The following TTN variants were observed in gnomAD, a reference collection of about 807,000 sequenced individuals.
The protein encoded by TTN is titin.
TTN carries 1,525 observed loss-of-function variants against 3,223.0 expected under a neutral mutation model. The ratio of observed to expected loss-of-function variants is 0.47; its 90% CI spans 0.45 to 0.49. The LOEUF is 0.49. Among genes scored for constraint, TTN ranks in the 20% least tolerant of loss-of-function variants. The pLI, the probability that TTN is intolerant of heterozygous loss-of-function variation, is 0.00. For synonymous variants in TTN, 14,094 were observed against 15,161.0 expected (o/e 0.93, Z 5.17); for missense variants, 40,786 against 43,424.0 (o/e 0.94, Z 5.40).
At chr2:178,555,233 T>C (rs1559237385) in intron 330 of TTN, 81 bp from the exon 331 acceptor site, 1 of 1,293,396 alleles carries the variant, frequency 7.7e-7, no homozygotes. Flanking sequence ...TAAAGTAAGG[T>C]CATTGGCCAT....
intron 106 of TTN, among the ~76,000 whole-genome samples, chr2:178,703,007 A>G (rs1449020721): frequency 6.6e-6 from 1 of 152,242 alleles, no homozygotes; most frequent in Non-Finnish European, 1.5e-5. Flanking sequence ...ATTGTACTCT[A>G]CAACTTATTC....
chr2:178,555,366 T>C (rs1700985621), intron 330 of TTN: 1 of 524,900 alleles, frequency 1.9e-6, no homozygotes, highest in Non-Finnish European at 3.3e-6. Flanking sequence ...TGCAGGGACT[T>C]AAGCACCTTT....
At position 178,567,401 on chromosome 2, in the gene TTN, T is replaced by C; in HGVS notation, c.78731A>G (p.Asn26244Ser). 2 of 1,602,236 alleles carry C rather than the reference T, an allele frequency of 1.2e-6. No individual in the cohort carries two copies. The highest frequency in any genetic ancestry group is 8.5e-7 in the Non-Finnish European group (1 of 1,174,996). The change falls in exon 326 of 363, where the codon AAC becomes AGC. Residue 26244 changes from asparagine to serine, a missense_variant. By Grantham distance (46) the Asn-to-Ser change is conservative. Coordinates refer to ENST00000589042, the MANE Select transcript of TTN (RefSeq NM_001267550.2). ...IEESARCEIK[N>S]TDFKALLIVK... ...AATAAGTAAAGCCTTGAAATCTGTG[T>C]TCTTTATTTCACATCTAGCAGATTC... is the stretch of plus-strand genomic sequence containing the variant.
At chr2:178,556,605 G>C (rs1327941815) in intron 330 of TTN, 1 of 519,540 alleles carries the variant, frequency 1.9e-6, no homozygotes, top group Non-Finnish European at 3.4e-6. Flanking sequence ...AATCATAAAA[G>C]GTTGAAGTTG....
At chr2:178,678,576 T>C (rs1420110310) in intron 143 of TTN, 79 bp from the exon 144 acceptor site, 2 of 1,275,420 alleles carry the variant, frequency 1.6e-6, no homozygotes, top group South Asian at 1.5e-5. Flanking sequence ...AAGATTAAGA[T>C]AAGGTAATAA....
rs1011791258 is a variant in TTN at position 178,586,418 on chromosome 2, A to G, written c.64396+87T>C. ...CTGTTTTTCAAGAATTTCTAGAGCTAGATTCCTCAGGGAGAAATGTCTACA... is the reference window on the plus strand; with the variant it reads ...CTGTTTTTCAAGAATTTCTAGAGCTGGATTCCTCAGGGAGAAATGTCTACA... On this transcript the variant is annotated intron_variant, in intron 308 of 362. Transcript: ENST00000589042. 569 of 1,499,734 alleles carry G rather than the reference A, an allele frequency of 3.8e-4. 1 individual carries two copies. The highest frequency in any genetic ancestry group is 1.7e-3 in the East Asian group (74 of 43,750). 92.9% of individuals were successfully genotyped at this position (1,499,734 alleles called of 1,614,324 possible).
intron 152 of TTN, among the ~76,000 whole-genome samples, chr2:178,673,006 A>G (rs2067283858): frequency 6.6e-6 from 1 of 151,602 alleles, no homozygotes. Flanking sequence ...GACTTTTTTG[A>G]AGTGATTACC....
intron 43 of TTN, among the ~76,000 whole-genome samples, chr2:178,763,973 A>T (rs1053905998): frequency 1.3e-5 from 2 of 152,206 alleles, no homozygotes; most frequent in Non-Finnish European, 2.9e-5. Context: ...CATAACATAA[A>T]CAACCATTAT....
In TTN at chr2:178,768,918, G is replaced by A. The variant is rs1422918590; in HGVS notation, c.8918C>T (p.Ser2973Phe). ...TLTVTPIMIT[S>F]MLKDINAEEK... Reference sequence around the variant, plus strand: ...TTCAGCGTTGATGTCTTTCAGCATGGAAGTAATCATGATTGCTGCAAAGGA... The same window carrying A: ...TTCAGCGTTGATGTCTTTCAGCATGAAAGTAATCATGATTGCTGCAAAGGA... Residue 2973 changes from serine to phenylalanine, a missense_variant, in exon 38 of 363, where the codon TCC becomes TTC. By Grantham distance (155) the Ser-to-Phe change is radical (BLOSUM62 -2). Coordinates refer to ENST00000589042, the MANE Select transcript of TTN (RefSeq NM_001267550.2). The A allele has an allele frequency of 2.5e-6, 4 of 1,613,768 alleles. No homozygotes were observed. The highest frequency in any genetic ancestry group is 1.1e-5 in the South Asian group (1 of 91,062).
chr2:178,732,177 T>C lies in TTN; in HGVS notation c.16792A>G (p.Thr5598Ala), dbSNP rs1407842307. The C allele has an allele frequency of 1.2e-6, 2 of 1,613,864 alleles. No individual in the cohort carries two copies. Among genetic ancestry groups the C allele is most frequent in the Non-Finnish European group, 1.7e-6 (2 of 1,179,780 alleles). The part of the protein sequence containing the change: ...SKHRMSFVES[T>A]AVLRLTDVGI... Reference sequence around the variant, plus strand: ...ACATCTGTCAGTCTTAGAACTGCAGTAGACTCCACAAAAGACATTCTGTGT... The same window carrying C: ...ACATCTGTCAGTCTTAGAACTGCAGCAGACTCCACAAAAGACATTCTGTGT... Residue 5598 changes from threonine (T) to alanine (A), a missense_variant, in exon 57 of 363, where the codon ACT becomes GCT. By Grantham distance (58) the Thr-to-Ala change is moderately conservative (BLOSUM62 0). Transcript: ENST00000589042.
Position 178,612,505 on chromosome 2 carries a change from C to T in TTN, c.50020G>A (p.Val16674Ile), listed in dbSNP as rs2056518372. 9 of 1,611,948 alleles carry T rather than the reference C, an allele frequency of 5.6e-6. No homozygotes were observed. Among genetic ancestry groups the T allele is most frequent in the Non-Finnish European group, 7.6e-6 (9 of 1,179,134 alleles). The part of the protein sequence containing the change: ...TKNTADLKWT[V>I]PEKDGGSPIT... ...GGGGACCCTCCATCTTTCTCAGGAA[C>T]TGTCCATTTTAGGTCTGCTGTATTT... The change falls in exon 266 of 363, where the codon GTT (valine) becomes ATT (isoleucine). Residue 16674 changes from valine to isoleucine, a missense_variant. Transcript: ENST00000589042.
intron 326 of TTN, 118 bp from the exon 327 acceptor site, chr2:178,558,755 T>G (rs1483946369): frequency 8.6e-7 from 1 of 1,158,872 alleles, no homozygotes; most frequent in Non-Finnish European, 1.2e-6. Context: ...TATGTTGATT[T>G]TAGTCTTCCT....
chr2:178,586,752 G>A lies in TTN; in HGVS notation c.64149C>T (p.Ala21383=). Residue 21383 remains alanine, a synonymous_variant, in exon 308 of 363, where the codon GCC becomes GCT. Transcript: ENST00000589042. ...LEVTEMTKNS[A]TLAWLPPLRD... ...GTAGGGGAGGTAACCAGGCTAAGGT[G>A]GCACTGTTCTTGGTCATTTCAGTCA... 2.5e-6 allele frequency: 4 copies of A among 1,613,040 alleles called. No individual in the cohort carries two copies. The highest frequency in any genetic ancestry group is 3.4e-6 in the Non-Finnish European group (4 of 1,179,304).
In TTN at chr2:178,574,042, C is replaced by T. The variant is rs991071532; in HGVS notation, c.72090G>A (p.Lys24030=). ...CRDDVEAPKI[K]VDVKFKDTVI... is the part of the protein sequence containing the mutation. Reference sequence around the variant, plus strand: ...CCGTGTCCTTAAATTTAACATCCACCTTTATCTTTGGTGCCTCAACATCAT... The same window carrying T: ...CCGTGTCCTTAAATTTAACATCCACTTTTATCTTTGGTGCCTCAACATCAT... The change falls in exon 326 of 363, where the codon AAG becomes AAA. Residue 24030 remains lysine (K), a synonymous_variant. Transcript: ENST00000589042. 17 of 1,613,424 alleles carry T rather than the reference C, an allele frequency of 1.1e-5. No individual in the cohort carries two copies. The highest frequency in any genetic ancestry group is 1.7e-4 in the Middle Eastern group (1 of 6,054).
intron 124 of TTN, 65 bp from the exon 125 acceptor site, chr2:178,689,201 AG>A: frequency 6.3e-7 from 1 of 1,586,944 alleles, no homozygotes; most frequent in Non-Finnish European, 8.6e-7. Context: ...TGCAAAACAA[AG>A]AAATACACCC....
At chr2:178,744,652 C>A in intron 47 of TTN, 6 of 955,662 alleles carry the variant, frequency 6.3e-6, no homozygotes, top group Non-Finnish European at 7.5e-6. Flanking sequence ...ATCTGAAATA[C>A]AAATTACCAT....
Position 178,547,780 on chromosome 2 carries a change from G to C in TTN, c.93846C>G (p.Asp31282Glu), listed in dbSNP as rs1697827813. Residue 31282 changes from aspartate (D) to glutamate (E), a missense_variant, in exon 339 of 363, where the codon GAC (aspartate) becomes GAG (glutamate). Coordinates refer to ENST00000589042, the MANE Select transcript of TTN (RefSeq NM_001267550.2). ...CCAGGGTCAAGAAGTATCTTCCAGA[G>C]TCACCTCTCATGCTGTCCTTTACAG... ...TLTVKDSMRGDSGRYFLTLEN... is the reference protein window; with the variant it reads ...TLTVKDSMRGESGRYFLTLEN... 6.2e-7 allele frequency: 1 copy of C among 1,613,766 alleles called. No homozygotes were observed. The highest frequency in any genetic ancestry group is 1.7e-5 in the Admixed American group (1 of 59,986).
intron 152 of TTN, among the ~76,000 whole-genome samples, chr2:178,672,935 T>C (rs2067271378): frequency 6.6e-6 from 1 of 151,856 alleles, no homozygotes; most frequent in African/African-American, 2.4e-5. Flanking sequence ...TTCTTTTTTT[T>C]TTCTTTTAAT....
chr2:178,639,181 C>T (rs2060902257), intron 223 of TTN, among the ~76,000 whole-genome samples: 1 of 151,646 alleles, frequency 6.6e-6, no homozygotes, highest in South Asian at 2.1e-4. Context: ...ATATACCTAA[C>T]ATAAAATTTA....
Sources: gnomAD v4.1 joint callset for allele counts (sites outside exome capture counted in the v4.1 genomes callset) on GRCh38, gnomAD v4.1.1 for gene constraint, MANE v1.5 for transcripts, NCBI Gene and HGNC (gene_info 2026-07-23, HGNC 2026-07-21) for gene names.